The following WEE2 variants were observed in gnomAD, a reference collection of about 807,000 sequenced individuals.
The protein encoded by WEE2 is wee1-like protein kinase 2.
In WEE2, 50 loss-of-function variants were observed where a neutral mutation model predicts 60.1. The observed-to-expected ratio is 0.83, with a 90% confidence interval of 0.66 to 1.05. The LOEUF is 1.05. WEE2 is among the 50% of genes least tolerant of loss of function. The pLI is 0.00. For missense variants in WEE2, 631 were observed against 684.3 expected (o/e 0.92, Z 0.87); for synonymous variants, 240 against 241.0 (o/e 1.00, Z 0.04).
chr7:141,731,254 A>T lies in WEE2; in HGVS notation c.*934A>T, dbSNP rs904922929. ...TAATTAAGTTTTTTTAATTGAATAAACCCTAATACTATTCTTTGTTCTGCT... is the reference window on the plus strand; with the variant it reads ...TAATTAAGTTTTTTTAATTGAATAATCCCTAATACTATTCTTTGTTCTGCT... On this transcript the variant is annotated 3_prime_UTR_variant, in exon 12 of 12. Coordinates refer to ENST00000397541, the MANE Select transcript of WEE2 (RefSeq NM_001105558.1). 6 of 152,026 alleles carry T rather than the reference A, an allele frequency of 3.9e-5. No individual in the cohort carries two copies. Among genetic ancestry groups the T allele is most frequent in the South Asian group, 2.1e-4 (1 of 4,816 alleles). The allele number at this position is 152,026 out of a possible 1,614,324, so 9.4% of individuals were successfully genotyped here. A position where few individuals can be genotyped will look rare whatever the true frequency, so the allele number is the denominator to read the frequency against.
intron 9 of WEE2, among the ~76,000 whole-genome samples, chr7:141,726,708 T>C (rs551169131): frequency 1.6e-4 from 24 of 152,294 alleles, no homozygotes; most frequent in African/African-American, 5.3e-4. Flanking sequence ...GTAAGGGAAA[T>C]GGAGCTTCAG....
chr7:141,729,481 T>G (rs1382128388), intron 10 of WEE2, 50 bp from the exon 11 acceptor site: 1 of 1,612,376 alleles, frequency 6.2e-7, no homozygotes, highest in Non-Finnish European at 8.5e-7. Context: ...ATCATACATA[T>G]CTCTGACTGG....
Position 141,709,022 on chromosome 7 carries a change from T to C in WEE2, c.264T>C (p.Pro88=). 6.2e-7 allele frequency: 1 copy of C among 1,614,032 alleles called. No homozygotes were observed. The highest frequency in any genetic ancestry group is 1.1e-5 in the South Asian group (1 of 91,076). ...DQILRTPVSH[P]LKCPETPAQP... is the part of the protein sequence containing the mutation. ...TTTTGAGGACTCCAGTGTCACACCC[T>C]CTCAAATGTCCTGAGACACCAGCCC... The change falls in exon 1 of 12, where the codon CCT becomes CCC. Residue 88 remains proline, a synonymous_variant. Coordinates refer to ENST00000397541, the MANE Select transcript of WEE2 (RefSeq NM_001105558.1).
intron 4 of WEE2, 23 bp downstream of exon 4, chr7:141,719,267 A>G (rs755870629): frequency 2.6e-6 from 4 of 1,554,858 alleles, no homozygotes; most frequent in Non-Finnish European, 3.5e-6. Flanking sequence ...GAAATGCACT[A>G]AAAATATAAA....
chr7:141,723,006 T>A (rs1012998758), intron 5 of WEE2, 128 bp from the exon 6 acceptor site: 1 of 1,204,902 alleles, frequency 8.3e-7, no homozygotes, highest in African/African-American at 1.5e-5. Flanking sequence ...TCTTGGGCAT[T>A]TGGGGCTTTG....
intron 5 of WEE2, among the ~76,000 whole-genome samples, chr7:141,721,325 G>A (rs1192139810): frequency 6.6e-6 from 1 of 152,204 alleles, no homozygotes; most frequent in Non-Finnish European, 1.5e-5. Context: ...GGCAAGTGAA[G>A]ATGAGTTAGA....
intron 1 of WEE2, 93 bp downstream of exon 1, chr7:141,709,193 G>A: frequency 1.1e-6 from 1 of 947,784 alleles, no homozygotes. Context: ...GTGTATGACA[G>A]TCACCTCCAG....
At chr7:141,718,479 A>G (rs1165952311) in intron 3 of WEE2, among the ~76,000 whole-genome samples, 1 of 152,194 alleles carries the variant, frequency 6.6e-6, no homozygotes, top group Non-Finnish European at 1.5e-5. Context: ...TACCTGGGCA[A>G]TGAATGATGT....
At position 141,709,046 on chromosome 7, in the gene WEE2, C is replaced by T; in HGVS notation, c.288C>T (p.Ala96=). The T allele has an allele frequency of 6.2e-7, 1 of 1,614,138 alleles. No individual in the cohort carries two copies. Among genetic ancestry groups the T allele is most frequent in the Non-Finnish European group, 8.5e-7 (1 of 1,180,020 alleles). Residue 96 remains alanine, a synonymous_variant, in exon 1 of 12, where the codon GCC becomes GCT. Transcript: ENST00000397541. ...SHPLKCPETP[A]QPDSRSKLLP... ...CTCTCAAATGTCCTGAGACACCAGC[C>T]CAACCAGACAGCAGGAGCAAGCTGC... is the stretch of plus-strand genomic sequence containing the variant.
chr7:141,719,654 T>G (rs555032071), intron 4 of WEE2, among the ~76,000 whole-genome samples: 77 of 152,166 alleles, frequency 5.1e-4, no homozygotes, highest in Admixed American at 9.2e-4. Context: ...TTTCACCATG[T>G]TGGCCAGGAT....
At chr7:141,719,441 C>T (rs1264009663) in intron 4 of WEE2, among the ~76,000 whole-genome samples, 197 bp downstream of exon 4, 3 of 152,082 alleles carry the variant, frequency 2.0e-5, no homozygotes, top group South Asian at 4.1e-4. Flanking sequence ...AAATACAACA[C>T]GATCATTTTA....
At position 141,714,292 on chromosome 7, in the gene WEE2, C is replaced by T. The variant is rs1404838196; in HGVS notation, c.426C>T (p.Pro142=). ...AGCATTTGAAGCTCACACCTGCTCC[C>T]CTCAAGGATGAGATGACCTCATTGG... The part of the protein sequence containing the change: ...GPKHLKLTPA[P]LKDEMTSLAL... Residue 142 remains proline, a synonymous_variant, in exon 2 of 12, where the codon CCC becomes CCT. Transcript: ENST00000397541. The T allele has an allele frequency of 3.7e-6, 6 of 1,613,932 alleles. No homozygotes were observed. The highest frequency in any genetic ancestry group is 3.4e-6 in the Non-Finnish European group (4 of 1,179,866).
rs191573041 is a variant in WEE2, at chr7:141,724,402, T to C, written c.1221+127T>C. ...ATAGTACCGCTCTTCCCATTCAGAA[T>C]GGAGACCAAAGATAGGAGAGAAACT... On this transcript the variant is annotated intron_variant, in intron 8 of 11. Coordinates refer to ENST00000397541, the MANE Select transcript of WEE2 (RefSeq NM_001105558.1). 6 of 831,438 alleles carry C rather than the reference T, an allele frequency of 7.2e-6. No individual in the cohort carries two copies. The East Asian group carries it at 1.0e-4, about 14-fold the overall frequency. 51.5% of individuals were successfully genotyped at this position (831,438 alleles called of 1,614,324 possible).
chr7:141,718,760 G>T (rs897824068), intron 3 of WEE2, among the ~76,000 whole-genome samples: 3 of 152,132 alleles, frequency 2.0e-5, no homozygotes, highest in African/African-American at 7.2e-5. Context: ...AGTAGCTCTG[G>T]GAGTGAGAAG....
At chr7:141,723,376 G>A (rs576758381) in intron 6 of WEE2, 96 bp downstream of exon 6, 8 of 1,334,516 alleles carry the variant, frequency 6.0e-6, no homozygotes, top group Middle Eastern at 1.9e-4. Context: ...TGTCAAGGAC[G>A]GTGTTTGCTG....
At chr7:141,716,111 AC>A in intron 2 of WEE2, 110 bp from the exon 3 acceptor site, 2 of 927,810 alleles carry the variant, frequency 2.2e-6, no homozygotes, top group Non-Finnish European at 3.2e-6. Context: ...CCACATATAA[AC>A]CGAAGAGAAA....
At chr7:141,716,133 T>C in intron 2 of WEE2, 89 bp from the exon 3 acceptor site, 1 of 1,137,720 alleles carries the variant, frequency 8.8e-7, no homozygotes, top group Non-Finnish European at 1.3e-6. Flanking sequence ...TGAATTGTCT[T>C]ATTTACTCTT....
chr7:141,714,413 C>G lies in WEE2; in HGVS notation c.539+8C>G, dbSNP rs1316675834. On this transcript the variant is annotated splice_region_variant and intron_variant, in intron 2 of 11. Coordinates refer to ENST00000397541, the MANE Select transcript of WEE2 (RefSeq NM_001105558.1). ...GAAAATAAGAGGAGATCTGTAAGTG[C>G]TCTATTACTTATGACTTTTGAGAAC... is the stretch of plus-strand genomic sequence containing the variant. 5 of 1,597,632 alleles carry G rather than the reference C, an allele frequency of 3.1e-6. No individual in the cohort carries two copies. Among genetic ancestry groups the G allele is most frequent in the East Asian group, 2.2e-5 (1 of 44,782 alleles).
At chr7:141,712,425 C>A (rs1366566498) in intron 1 of WEE2, among the ~76,000 whole-genome samples, 4 of 152,174 alleles carry the variant, frequency 2.6e-5, no homozygotes, top group Admixed American at 2.6e-4. Context: ...TTTGCCCTCT[C>A]TAGAGCACAT....
Sources: gnomAD v4.1 joint callset for allele counts (sites outside exome capture counted in the v4.1 genomes callset) on GRCh38, gnomAD v4.1.1 for gene constraint, MANE v1.5 for transcripts, NCBI Gene and HGNC (gene_info 2026-07-23, HGNC 2026-07-21) for gene names.